Variants in NUDCD3 observed in about 807,000 individuals in gnomAD.
The protein encoded by NUDCD3 is nudC domain-containing protein 3.
A neutral mutation model predicts 39.7 loss-of-function variants in NUDCD3; 13 were observed. The observed-to-expected ratio is 0.33, with a 90% CI of 0.21 to 0.52. NUDCD3 has a LOEUF of 0.52. Ranked by LOEUF, NUDCD3 falls within the 20% of genes least tolerant of loss-of-function variation. The pLI, the probability that NUDCD3 is intolerant of heterozygous loss-of-function variation, is 0.96. For synonymous variants in NUDCD3, 175 were observed against 172.4 expected, an observed-to-expected ratio of 1.02 and a Z score of -0.12; for missense variants, 453 against 458.1, an observed-to-expected ratio of 0.99 and a Z score of 0.10.
At chr7:44,433,693 A>C (rs1799412567) in intron 2 of NUDCD3, among the ~76,000 whole-genome samples, 1 of 152,114 alleles carries the variant, frequency 6.6e-6, no homozygotes, top group Non-Finnish European at 1.5e-5. Context: ...GTCTCTTATC[A>C]ATTTTCTTCT....
chr7:44,448,288 G>T lies in NUDCD3; in HGVS notation c.510-20585C>A, dbSNP rs117581530. The stretch of plus-strand genomic sequence containing the variant: ...GCAGCACACAGTGAACACGAACAGT[G>T]GCAAGTCCTCTAAGAGCCAGGGCAG... On this transcript the variant is annotated intron_variant, in intron 2 of 5. Transcript: ENST00000355451. Among the ~76,000 whole-genome samples the T allele has an allele frequency of 9.1e-3, 1,386 of 152,266 alleles. 8 individuals are homozygous for T. The highest frequency in any genetic ancestry group is 0.015 in the Non-Finnish European group (989 of 68,016).
intron 2 of NUDCD3, among the ~76,000 whole-genome samples, chr7:44,430,570 TC>T (rs1799342537): frequency 7.9e-6 from 1 of 125,838 alleles, no homozygotes; most frequent in African/African-American, 3.0e-5. Flanking sequence ...ACACACACAC[TC>T]ACACACACAC....
In NUDCD3 at chr7:44,439,005, G is replaced by A. The variant is rs181733900; in HGVS notation, c.510-11302C>T. On this transcript the variant is annotated intron_variant, in intron 2 of 5. Transcript: ENST00000355451. ...CCTCGGTGAAGAGGAGGCCAGTGAGGCAATGAACTAACAGAGGGGCCCACA... is the reference window on the plus strand; with the variant it reads ...CCTCGGTGAAGAGGAGGCCAGTGAGACAATGAACTAACAGAGGGGCCCACA... 2.6e-5 allele frequency among the ~76,000 whole-genome samples: 4 copies of A among 152,306 alleles called. 1 individual carries two copies. The highest frequency in any genetic ancestry group is 9.6e-5 in the African/African-American group (4 of 41,556).
At chr7:44,455,396 T>C (rs1478047759) in intron 2 of NUDCD3, among the ~76,000 whole-genome samples, 1 of 152,172 alleles carries the variant, frequency 6.6e-6, no homozygotes, top group African/African-American at 2.4e-5. Flanking sequence ...GCAAGGCCTG[T>C]AGTCCTCACT....
chr7:44,425,963 A>G, intron 3 of NUDCD3: 1 of 184,308 alleles, frequency 5.4e-6, no homozygotes, highest in Non-Finnish European at 1.0e-5. Context: ...CGAATGTTAC[A>G]GGTACATCAT....
In NUDCD3 at chr7:44,485,101, C is replaced by A. The variant is rs1405491166; in HGVS notation, c.376G>T (p.Gly126Trp). Reference sequence around the variant, plus strand: ...TGCACTTTCTCTACTTCCTGATGCCCATCCAATTCTGTGGTGGAGTCAATC... The same window carrying A: ...TGCACTTTCTCTACTTCCTGATGCCAATCCAATTCTGTGGTGGAGTCAATC... ...IEIDSTTELD[G>W]HQEVEKVQPP... Residue 126 changes from glycine (G) to tryptophan (W), a missense_variant, in exon 2 of 6, where the codon GGG becomes TGG. Physicochemically the swap from Gly to Trp is radical, Grantham distance 184 (BLOSUM62 -2). Coordinates refer to ENST00000355451, the MANE Select transcript of NUDCD3 (RefSeq NM_015332.4). 1 of 1,614,186 alleles carries A rather than the reference C, an allele frequency of 6.2e-7. No individual in the cohort carries two copies. Among genetic ancestry groups the A allele is most frequent in the African/African-American group, 1.3e-5 (1 of 75,042 alleles).
chr7:44,399,102 G>A (rs1798675533), intron 4 of NUDCD3, among the ~76,000 whole-genome samples: 1 of 152,208 alleles, frequency 6.6e-6, no homozygotes, highest in East Asian at 1.9e-4. Flanking sequence ...ATGCCGAGCT[G>A]CGTTCCTTTC....
At position 44,414,384 on chromosome 7, in the gene NUDCD3, A is replaced by C. The variant is rs566135969; in HGVS notation, c.643-9801T>G. Among the ~76,000 whole-genome samples, 17 of 152,326 alleles carry C rather than the reference A, an allele frequency of 1.1e-4. No homozygotes were observed. In the South Asian group the frequency reaches 3.5e-3, roughly 32 times the overall value. On this transcript the variant is annotated intron_variant, in intron 3 of 5. Coordinates refer to ENST00000355451, the MANE Select transcript of NUDCD3 (RefSeq NM_015332.4). ...TCAGGCACTTGGGGACATGGAAGTA[A>C]AAAGAGATGGGAGTCACTTTGGTGC...
At chr7:44,476,495 G>T (rs917499747) in intron 2 of NUDCD3, among the ~76,000 whole-genome samples, 1 of 152,242 alleles carries the variant, frequency 6.6e-6, no homozygotes, top group East Asian at 1.9e-4. Context: ...GTGACAGCTC[G>T]ATGAGAAGAC....
Position 44,383,130 on chromosome 7 carries a change from T to C in NUDCD3, c.*2881A>G, listed in dbSNP as rs1177125820. ...AAGATCTGACTGAGGAAGAAGCAGG[T>C]GGCCAGCCACCTGGGAGACTTCTGT... On this transcript the variant is annotated 3_prime_UTR_variant, in exon 6 of 6. Transcript: ENST00000355451. The C allele has an allele frequency of 2.0e-5, 3 of 152,300 alleles. No homozygotes were observed. Among genetic ancestry groups the C allele is most frequent in the African/African-American group, 7.2e-5 (3 of 41,450 alleles). 9.4% of individuals were successfully genotyped at this position (152,300 alleles called of 1,614,324 possible). A position where few individuals can be genotyped will look rare whatever the true frequency, so the allele number is the denominator to read the frequency against.
chr7:44,435,001 T>C (rs1218719387), intron 2 of NUDCD3, among the ~76,000 whole-genome samples: 1 of 152,236 alleles, frequency 6.6e-6, no homozygotes, highest in Admixed American at 6.5e-5. Context: ...AAGAACTCAC[T>C]GAGCAGCTTT....
At chr7:44,447,685 A>G (rs1225942434) in intron 2 of NUDCD3, among the ~76,000 whole-genome samples, 1 of 152,172 alleles carries the variant, frequency 6.6e-6, no homozygotes, top group Non-Finnish European at 1.5e-5. Context: ...ATTTTGTATA[A>G]ACACCTGCTC....
At chr7:44,423,708 C>T (rs954627458) in intron 3 of NUDCD3, among the ~76,000 whole-genome samples, 4 of 152,098 alleles carry the variant, frequency 2.6e-5, no homozygotes, top group Non-Finnish European at 5.9e-5. Flanking sequence ...GTGAAAATGG[C>T]CATACTGCCC....
At chr7:44,446,784 A>G (rs976020351) in intron 2 of NUDCD3, among the ~76,000 whole-genome samples, 1 of 152,210 alleles carries the variant, frequency 6.6e-6, no homozygotes, top group African/African-American at 2.4e-5. Context: ...TAAATTAGCA[A>G]TCCCCATACT....
chr7:44,454,007 C>T (rs529190210), intron 2 of NUDCD3, among the ~76,000 whole-genome samples: 9 of 151,902 alleles, frequency 5.9e-5, no homozygotes, highest in East Asian at 1.9e-4. Flanking sequence ...TGTGCCATTG[C>T]GCTCCAACCT....
Position 44,386,133 on chromosome 7 carries a change from A to G in NUDCD3, c.976-12T>C. ...ATCTCATGGACTTTCTACAAACAGA[A>G]AATAGAGAGATTAAAGGGGATCACA... On this transcript the variant is annotated splice_polypyrimidine_tract_variant and intron_variant, in intron 5 of 5. Transcript: ENST00000355451. 3 of 1,614,020 alleles carry G rather than the reference A, an allele frequency of 1.9e-6. No homozygotes were observed. The highest frequency in any genetic ancestry group is 2.5e-6 in the Non-Finnish European group (3 of 1,179,880).
At chr7:44,406,976 C>A (rs116630832) in intron 3 of NUDCD3, among the ~76,000 whole-genome samples, 2 of 152,098 alleles carry the variant, frequency 1.3e-5, no homozygotes, top group Non-Finnish European at 1.5e-5. Flanking sequence ...TGGCCCTGGA[C>A]GCCCCACTGA....
chr7:44,400,882 A>G (rs1798709008), intron 4 of NUDCD3, among the ~76,000 whole-genome samples: 2 of 152,310 alleles, frequency 1.3e-5, no homozygotes, highest in South Asian at 2.1e-4. Flanking sequence ...TAACTTAATC[A>G]TATCTACAAA....
intron 4 of NUDCD3, among the ~76,000 whole-genome samples, chr7:44,392,900 G>C (rs1319784090): frequency 1.3e-5 from 2 of 152,036 alleles, no homozygotes; most frequent in Non-Finnish European, 2.9e-5. Context: ...CTGCCCCCAT[G>C]CTTGCCATGG....
Sources: gnomAD v4.1 joint callset for allele counts (sites outside exome capture counted in the v4.1 genomes callset) on GRCh38, gnomAD v4.1.1 for gene constraint, MANE v1.5 for transcripts, NCBI Gene and HGNC (gene_info 2026-07-23, HGNC 2026-07-21) for gene names.